The following MSRA variants were observed in gnomAD, a reference collection of about 807,000 sequenced individuals.
MSRA encodes the protein mitochondrial peptide methionine sulfoxide reductase.
MSRA carries 54 observed loss-of-function variants against 31.3 expected under a neutral mutation model. The ratio of observed to expected loss-of-function variants is 1.73; its 90% CI spans 1.39 to 2.17. MSRA has a LOEUF of 2.17. Ranked by LOEUF, MSRA falls within the 30% of genes most tolerant of loss-of-function variation. MSRA has a pLI of 0.00. For missense variants in MSRA, 507 were observed against 300.9 expected (o/e 1.69, Z -5.07); for synonymous variants, 169 against 116.5 (o/e 1.45, Z -2.90).
chr8:10,209,989 T>C (rs748572100), intron 2 of MSRA, among the ~76,000 whole-genome samples: 55 of 152,370 alleles, frequency 3.6e-4, no homozygotes, highest in Middle Eastern at 6.8e-3. Flanking sequence ...TGGTTAAGTA[T>C]ATGCAAGCAT....
intron 5 of MSRA, among the ~76,000 whole-genome samples, chr8:10,330,487 A>G (rs535692187): frequency 1.3e-5 from 2 of 152,250 alleles, no homozygotes; most frequent in South Asian, 2.1e-4. Context: ...CTCCCGTCCC[A>G]TGTTCCTCAG....
chr8:10,272,348 C>G (rs982429869), intron 3 of MSRA, among the ~76,000 whole-genome samples: 13 of 152,126 alleles, frequency 8.5e-5, no homozygotes, highest in Middle Eastern at 3.2e-3. Context: ...TGGCATAGTT[C>G]CAGTCCAAAT....
intron 5 of MSRA, among the ~76,000 whole-genome samples, chr8:10,323,288 AACT>A (rs1465016780): frequency 7.2e-5 from 11 of 152,278 alleles, no homozygotes; most frequent in African/African-American, 2.6e-4. Flanking sequence ...CAGTATTTAT[AACT>A]ACTACTAAAA....
In MSRA at chr8:10,323,745, CGT is replaced by C. The variant is rs10643873; in HGVS notation, c.543+3785_543+3786del. On this transcript the variant is annotated intron_variant, in intron 5 of 5. Transcript: ENST00000317173. ...AACCCAAGCACATGGGAATTAAATA[CGT>C]GTGTGTGTGTGTGTGTGTGTGTGTG... Among the ~76,000 whole-genome samples the C allele has an allele frequency of 3.4e-4, 49 of 142,706 alleles. No homozygotes were observed. In the East Asian group the frequency reaches 6.4e-3, roughly 19 times the overall value. 93.6% of individuals were successfully genotyped at this position (142,706 alleles called of 152,430 possible). A position where few individuals can be genotyped will look rare whatever the true frequency, so the allele number is the denominator to read the frequency against.
In MSRA at chr8:10,414,282, CAT is replaced by C. The variant is rs200351951; in HGVS notation, c.544-13865_544-13864del. ...CTCTGGAAGACACAGTCCCAAGAGA[CAT>C]GTGTAAGTAAACAGGAGGCATCCTG... On this transcript the variant is annotated intron_variant, in intron 5 of 5. Transcript: ENST00000317173. 7.0e-4 allele frequency among the ~76,000 whole-genome samples: 106 copies of C among 152,340 alleles called. No homozygotes were observed. The East Asian group carries it at 0.02, about 28-fold the overall frequency.
intron 5 of MSRA, among the ~76,000 whole-genome samples, chr8:10,385,042 T>C (rs1300626445): frequency 6.6e-6 from 1 of 152,154 alleles, no homozygotes; most frequent in East Asian, 1.9e-4. Flanking sequence ...GGGGAGCTGC[T>C]GCATAGGGTG....
chr8:10,145,143 C>G (rs1460583678), intron 1 of MSRA, among the ~76,000 whole-genome samples: 1 of 152,178 alleles, frequency 6.6e-6, no homozygotes, highest in African/African-American at 2.4e-5. Flanking sequence ...TAATTTTTCA[C>G]TGGCGGAGCT....
chr8:10,352,872 T>C (rs1026231577), intron 5 of MSRA, among the ~76,000 whole-genome samples: 7 of 152,116 alleles, frequency 4.6e-5, no homozygotes, highest in African/African-American at 9.7e-5. Flanking sequence ...ATTTTTCTTT[T>C]AAAAAATCGG....
intron 1 of MSRA, among the ~76,000 whole-genome samples, chr8:10,191,413 G>A (rs1184818062): frequency 1.3e-5 from 2 of 152,130 alleles, no homozygotes; most frequent in Non-Finnish European, 2.9e-5. Flanking sequence ...TTTCTTCATT[G>A]TTTTTGTAAG....
intron 3 of MSRA, among the ~76,000 whole-genome samples, chr8:10,275,203 A>T (rs778785767): frequency 2.8e-4 from 42 of 152,220 alleles, no homozygotes; most frequent in Non-Finnish European, 4.9e-4. Flanking sequence ...ACCACATATG[A>T]CCAAAGCATT....
intron 1 of MSRA, among the ~76,000 whole-genome samples, chr8:10,123,406 A>G (rs980150141): frequency 6.6e-6 from 1 of 152,194 alleles, no homozygotes; most frequent in East Asian, 1.9e-4. Context: ...TGAGTTTCTT[A>G]TTAGATACTA....
chr8:10,161,448 A>G (rs540281333), intron 1 of MSRA, among the ~76,000 whole-genome samples: 3 of 152,308 alleles, frequency 2.0e-5, no homozygotes, highest in Admixed American at 2.0e-4. Flanking sequence ...CCAACCTTCC[A>G]TAGAAGCGCT....
At chr8:10,178,889 C>G (rs941775738) in intron 1 of MSRA, among the ~76,000 whole-genome samples, 13 of 152,098 alleles carry the variant, frequency 8.5e-5, no homozygotes, top group African/African-American at 3.1e-4. Flanking sequence ...GACCTGCAGC[C>G]CAGTGAAGGG....
chr8:10,334,993 A>C (rs1045509928), intron 5 of MSRA, among the ~76,000 whole-genome samples: 1 of 147,946 alleles, frequency 6.8e-6, no homozygotes, highest in African/African-American at 2.4e-5. Flanking sequence ...GAGGAGGAAT[A>C]AAAGGCTCTC....
At chr8:10,412,255 T>C (rs538218415) in intron 5 of MSRA, among the ~76,000 whole-genome samples, 32 of 152,358 alleles carry the variant, frequency 2.1e-4, no homozygotes, top group African/African-American at 7.0e-4. Flanking sequence ...CTTAAGTGTT[T>C]CTTAATTTAA....
rs572530204 is a variant in MSRA, at chr8:10,358,754, G to A, written c.543+38765G>A. On this transcript the variant is annotated intron_variant, in intron 5 of 5. Transcript: ENST00000317173. ...ACTACAGGCGCCCGCCACTACGCCC[G>A]GCTAATTTTTTGTATTTTTAGTAGA... Among the ~76,000 whole-genome samples the A allele has an allele frequency of 1.4e-3, 217 of 149,722 alleles. 1 individual carries two copies. The highest frequency in any genetic ancestry group is 3.2e-3 in the Admixed American group (48 of 15,112).
chr8:10,331,182 C>A (rs765674387), intron 5 of MSRA, among the ~76,000 whole-genome samples: 3 of 152,148 alleles, frequency 2.0e-5, no homozygotes, highest in Non-Finnish European at 4.4e-5. Context: ...GAAATAGAAG[C>A]CTGTTATTGA....
intron 5 of MSRA, among the ~76,000 whole-genome samples, chr8:10,368,981 AG>A (rs1284552763): frequency 2.6e-5 from 4 of 152,236 alleles, no homozygotes; most frequent in African/African-American, 9.6e-5. Context: ...TGTGATAACC[AG>A]GGACCAACAC....
chr8:10,383,818 T>G (rs1252151413), intron 5 of MSRA, among the ~76,000 whole-genome samples: 2 of 152,170 alleles, frequency 1.3e-5, no homozygotes, highest in East Asian at 1.9e-4. Flanking sequence ...CACCTTCATT[T>G]TGGGGACTTC....
Sources: allele counts gnomAD v4.1 joint callset (sites outside exome capture counted in the v4.1 genomes callset), GRCh38; gene constraint gnomAD v4.1.1; transcripts MANE v1.5; gene names NCBI Gene and HGNC (gene_info 2026-07-23, HGNC 2026-07-21).